The following NDRG2 variants were observed in gnomAD, a reference collection of about 807,000 sequenced individuals.
The protein encoded by NDRG2 is NDRG family member 2, also known as protein NDRG2.
Under a neutral mutation model 58.2 loss-of-function variants are expected in NDRG2, and 34 were observed. That is an observed-to-expected ratio of 0.58 (90% CI 0.44 to 0.78). The LOEUF is 0.78. Among genes scored for constraint, NDRG2 ranks in the 30% least tolerant of loss-of-function variants. The probability of loss-of-function intolerance (pLI) is 0.00; values close to 1 mark genes in which losing one functional copy is unlikely to be tolerated. For synonymous variants in NDRG2, 187 were observed against 175.9 expected (o/e 1.06, Z -0.50); for missense variants, 434 against 471.2 (o/e 0.92, Z 0.73).
chr14:21,021,833 C>T lies in NDRG2; in HGVS notation c.391G>A (p.Val131Ile), dbSNP rs142791780. The change falls in exon 6 of 16, where the codon GTC (valine) becomes ATC (isoleucine). Residue 131 changes from valine (V) to isoleucine (I), a missense_variant. Coordinates refer to ENST00000556147, the MANE Select transcript of NDRG2 (RefSeq NM_001320329.2). ...GCCTCTCACTTTAGGTACTGCAGGA[C>T]GCAAGGGATCATGTCTGCAAGCTGG... ...LDQLADMIPCVLQYLNFSTII... is the reference protein window; with the variant it reads ...LDQLADMIPCILQYLNFSTII... The T allele has an allele frequency of 9.0e-4, 1,445 of 1,612,986 alleles. 2 individuals are homozygous for T. The highest frequency in any genetic ancestry group is 1.1e-3 in the Non-Finnish European group (1,348 of 1,179,526).
intron 1 of NDRG2, among the ~76,000 whole-genome samples, chr14:21,064,117 C>T (rs1300162950): frequency 5.3e-5 from 8 of 152,182 alleles, no homozygotes; most frequent in Non-Finnish European, 1.2e-4. Flanking sequence ...ATGGCTCCTA[C>T]CATTTGACCC....
chr14:21,058,596 C>T (rs542453332), intron 1 of NDRG2: 2 of 528,650 alleles, frequency 3.8e-6, no homozygotes, highest in Admixed American at 3.5e-5. Flanking sequence ...CAGAGTCAAG[C>T]ACTCAGGATC....
rs1202469168 is a variant in NDRG2 at position 21,070,223 on chromosome 14, T to G, written c.24+605A>C. 1 of 520,636 alleles carries G rather than the reference T, an allele frequency of 1.9e-6. No homozygotes were observed. Among genetic ancestry groups the G allele is most frequent in the African/African-American group, 2.0e-5 (1 of 49,280 alleles). 32.3% of individuals were successfully genotyped at this position (520,636 alleles called of 1,614,324 possible). On this transcript the variant is annotated intron_variant, in intron 1 of 14. Coordinates refer to the NDRG2 transcript ENST00000403829. This position sits in a 1 kb window ranked among gnomAD's most constrained non-coding sequence, Gnocchi z 4.7. ...GGCGGGGCGGGGAGGGGCGGCCGTC[T>G]CGGCCCTCCCTGGCGGGGCCCCGCG...
At chr14:21,035,645 C>T (rs1055281261) in intron 1 of NDRG2, 1 of 408,008 alleles carries the variant, frequency 2.5e-6, no homozygotes, top group Admixed American at 2.6e-5. Context: ...CAGTATAGCT[C>T]AGGAGGAGGG....
chr14:21,057,043 G>A (rs1029856999), intron 1 of NDRG2, among the ~76,000 whole-genome samples: 2 of 152,228 alleles, frequency 1.3e-5, no homozygotes, highest in Non-Finnish European at 2.9e-5. Context: ...GGGGAGGAAT[G>A]CATTTGACTC....
At chr14:21,021,402 C>G (rs1880212829) in intron 6 of NDRG2, 9 of 317,812 alleles carry the variant, frequency 2.8e-5, no homozygotes, top group South Asian at 2.7e-4. Flanking sequence ...GTCTGGTGTT[C>G]TCTTCCTTCC....
Position 21,070,543 on chromosome 14 carries a change from C to A in NDRG2, c.24+285G>T. ...ACTCTCCTCCCTCCCATCCCCCCTT[C>A]TTCGATTTGTCTGTCTGCCCGACTG... On this transcript the variant is annotated intron_variant, in intron 1 of 14. Transcript: ENST00000403829. The surrounding 1 kb of genome is among the most constrained non-coding windows in gnomAD (Gnocchi z 4.7). The A allele has an allele frequency of 2.8e-6, 3 of 1,060,196 alleles. No individual in the cohort carries two copies. The South Asian group carries it at 6.1e-5, about 22-fold the overall frequency. 65.7% of individuals were successfully genotyped at this position (1,060,196 alleles called of 1,614,324 possible).
intron 1 of NDRG2, among the ~76,000 whole-genome samples, chr14:21,051,472 C>T (rs1176939877): frequency 3.9e-5 from 6 of 152,104 alleles, no homozygotes; most frequent in Admixed American, 2.0e-4. Context: ...GGGGAACTGG[C>T]GTATCCAGGG....
In NDRG2 at chr14:21,070,282, CG is replaced by C; in HGVS notation, c.24+545del. 1 of 1,123,242 alleles carries C rather than the reference CG, an allele frequency of 8.9e-7. No individual in the cohort carries two copies. Among genetic ancestry groups the C allele is most frequent in the Non-Finnish European group, 1.1e-6 (1 of 895,828 alleles). The allele number at this position is 1,123,242 out of a possible 1,614,324, so 69.6% of individuals were successfully genotyped here. The stretch of plus-strand genomic sequence containing the variant: ...GCCGGAGCGGGCCGAGCCGCCACCG[CG>C]GCCGGAGCTGTCCCTTAGCCAGACC... On this transcript the variant is annotated intron_variant, in intron 1 of 14. Coordinates refer to the NDRG2 transcript ENST00000403829. This position sits in a 1 kb window ranked among gnomAD's most constrained non-coding sequence, Gnocchi z 4.7.
intron 1 of NDRG2, among the ~76,000 whole-genome samples, chr14:21,066,530 T>C (rs571062741): frequency 2.6e-5 from 4 of 152,058 alleles, no homozygotes; most frequent in African/African-American, 9.7e-5. Context: ...ATGTTGGGGT[T>C]TCCCCATGTT....
intron 1 of NDRG2, among the ~76,000 whole-genome samples, chr14:21,061,350 T>C (rs557198946): frequency 1.4e-4 from 21 of 152,262 alleles, no homozygotes; most frequent in African/African-American, 4.6e-4. Context: ...AGGAGACTAA[T>C]TATATCCAAA....
upstream of NDRG2, among the ~76,000 whole-genome samples, chr14:21,028,158 G>A (rs181234060): frequency 7.2e-5 from 11 of 152,218 alleles, no homozygotes; most frequent in Admixed American, 1.3e-4. Context: ...CTCCCAAGTA[G>A]CCTGTCAAGT....
intron 1 of NDRG2, chr14:21,032,509 C>G (rs1884290375): frequency 2.8e-6 from 1 of 351,618 alleles, no homozygotes; most frequent in Admixed American, 4.1e-5. Flanking sequence ...CCTTCCCTGT[C>G]CCTCCACCTT....
At chr14:21,018,356 C>A (rs544614463) in intron 13 of NDRG2, 101 bp downstream of exon 13, 1 of 1,601,836 alleles carries the variant, frequency 6.2e-7, no homozygotes, top group South Asian at 1.1e-5. Context: ...TTTTGTTCTT[C>A]GTTCACCCCA....
In NDRG2 at chr14:21,017,431, G is replaced by T; in HGVS notation, c.*165C>A. 1.3e-6 allele frequency: 1 copy of T among 767,770 alleles called. No homozygotes were observed. Among genetic ancestry groups the T allele is most frequent in the Non-Finnish European group, 2.1e-6 (1 of 482,612 alleles). The allele number at this position is 767,770 out of a possible 1,614,324, so 47.6% of individuals were successfully genotyped here. Reference sequence around the variant, plus strand: ...TCTTCCAGGAGCTGGGGGGAATCACGGGTTAAAGGTCAAGGTTAGGGTAGC... The same window carrying T: ...TCTTCCAGGAGCTGGGGGGAATCACTGGTTAAAGGTCAAGGTTAGGGTAGC... On this transcript the variant is annotated 3_prime_UTR_variant, in exon 16 of 16. Transcript: ENST00000556147.
chr14:21,028,714 A>G (rs940679937), upstream of NDRG2, among the ~76,000 whole-genome samples: 3 of 152,128 alleles, frequency 2.0e-5, no homozygotes, highest in Non-Finnish European at 4.4e-5. Context: ...GAGGTAATAG[A>G]GATGGATTAT....
At position 21,019,912 on chromosome 14, in the gene NDRG2, C is replaced by G; in HGVS notation, c.612+8G>C. 1 of 1,614,004 alleles carries G rather than the reference C, an allele frequency of 6.2e-7. No individual in the cohort carries two copies. The highest frequency in any genetic ancestry group is 8.5e-7 in the Non-Finnish European group (1 of 1,179,938). On this transcript the variant is annotated splice_region_variant and intron_variant, in intron 9 of 15. Coordinates refer to ENST00000556147, the MANE Select transcript of NDRG2 (RefSeq NM_001320329.2). ...GTCGACTCTTCTACATCTCCTACAC[C>G]CACTTACCTGGCTGAAAAGATGTCC...
chr14:21,031,820 G>T lies in NDRG2; in HGVS notation c.25-8499C>A, dbSNP rs976446356. ...TCCAAGCACTTGTTCTAAGTATCTCGGGCCATCTTTGGGGAAGGGATATGA... is the reference window on the plus strand; with the variant it reads ...TCCAAGCACTTGTTCTAAGTATCTCTGGCCATCTTTGGGGAAGGGATATGA... On this transcript the variant is annotated intron_variant, in intron 1 of 14. Transcript: ENST00000403829. The T allele has an allele frequency of 2.0e-6, 3 of 1,513,970 alleles. No individual in the cohort carries two copies. The African/African-American group carries it at 4.1e-5, about 21-fold the overall frequency. The allele number at this position is 1,513,970 out of a possible 1,614,324, so 93.8% of individuals were successfully genotyped here.
intron 1 of NDRG2, chr14:21,058,228 AG>A: frequency 6.2e-7 from 1 of 1,614,156 alleles, no homozygotes; most frequent in Non-Finnish European, 8.5e-7. Context: ...AGCTCACCTC[AG>A]GGAAGTACCC....
Sources: gnomAD v4.1 joint callset for allele counts (sites outside exome capture counted in the v4.1 genomes callset) on GRCh38, gnomAD v4.1.1 for gene constraint, Gnocchi (gnomAD v3.1) non-coding constraint, MANE v1.5 for transcripts, NCBI Gene and HGNC (gene_info 2026-07-23, HGNC 2026-07-21) for gene names.